Variants in MAP3K1 observed in about 807,000 individuals in gnomAD.
MAP3K1 encodes the protein MAP/ERK kinase kinase 1.
Under a neutral mutation model 144.2 loss-of-function variants are expected in MAP3K1, and 36 were observed. The ratio of observed to expected loss-of-function variants is 0.25; its 90% CI spans 0.19 to 0.33. The LOEUF (loss-of-function observed/expected upper bound fraction) is 0.33. Among genes scored for constraint, MAP3K1 ranks in the 10% least tolerant of loss-of-function variants. The pLI, the probability that MAP3K1 is intolerant of heterozygous loss-of-function variation, is 1.00. For synonymous variants in MAP3K1, 718 were observed against 688.7 expected (o/e 1.04, Z -0.67); for missense variants, 1,650 against 1,881.9 (o/e 0.88, Z 2.28).
At chr5:56,875,403 T>G in intron 10 of MAP3K1, 93 bp downstream of exon 10, 1 of 1,395,772 alleles carries the variant, frequency 7.2e-7, no homozygotes, top group Non-Finnish European at 9.9e-7. Flanking sequence ...AAAGCTACTT[T>G]ACCTAATTTT....
chr5:56,842,560 T>C (rs1415387322), intron 1 of MAP3K1, among the ~76,000 whole-genome samples: 1 of 152,194 alleles, frequency 6.6e-6, no homozygotes, highest in African/African-American at 2.4e-5. Flanking sequence ...TTCAGTTTAT[T>C]GTGGGCTACC....
intron 3 of MAP3K1, among the ~76,000 whole-genome samples, chr5:56,860,670 TG>T (rs771643259): frequency 3.3e-4 from 50 of 152,114 alleles, no homozygotes; most frequent in Non-Finnish European, 3.8e-4. Flanking sequence ...TTGGCCAACA[TG>T]GTGAAACCTC....
chr5:56,887,350 C>T (rs779347093), intron 17 of MAP3K1, 28 bp from the exon 18 acceptor site: 4 of 1,613,174 alleles, frequency 2.5e-6, no homozygotes, highest in South Asian at 1.1e-5. Flanking sequence ...TTTTAACATA[C>T]AAGGTCATTT....
In MAP3K1 at chr5:56,882,196, C is replaced by A. The variant is rs2111944597; in HGVS notation, c.2996C>A (p.Thr999Lys). ...STPSVPAGTA[T>K]DVSKHRLQGF... ...CCATCTGTACCAGCTGGCACTGCAA[C>A]AGATGTCTCTAAGCATAGACTTCAG... The change falls in exon 14 of 20, where the codon ACA (threonine) becomes AAA (lysine). Residue 999 changes from threonine (T) to lysine (K), a missense_variant. Coordinates refer to ENST00000399503, the MANE Select transcript of MAP3K1 (RefSeq NM_005921.2). 1 of 1,614,148 alleles carries A rather than the reference C, an allele frequency of 6.2e-7. No individual in the cohort carries two copies. The highest frequency in any genetic ancestry group is 8.5e-7 in the Non-Finnish European group (1 of 1,180,018).
At chr5:56,873,338 T>C (rs1747917920) in intron 9 of MAP3K1, among the ~76,000 whole-genome samples, 1 of 152,212 alleles carries the variant, frequency 6.6e-6, no homozygotes, top group Admixed American at 6.5e-5. Flanking sequence ...TCCCCGTGCC[T>C]GCCAAGAATT....
In MAP3K1 at chr5:56,895,361, ATTTTGTTTTTTT is replaced by A. The variant is rs770987019; in HGVS notation, c.*1686_*1697del. ...TGTGTTGTACTTGACTTTCTTTTTTATTTTGTTTTTTTTTTTTTTTGACTACTTAGAATTTTC... is the reference window on the plus strand; with the variant it reads ...TGTGTTGTACTTGACTTTCTTTTTTATTTTTTTTGACTACTTAGAATTTTC... On this transcript the variant is annotated 3_prime_UTR_variant, in exon 20 of 20. Transcript: ENST00000399503. 2.0e-4 allele frequency: 32 copies of A among 156,922 alleles called. No homozygotes were observed. The highest frequency in any genetic ancestry group is 1.8e-4 in the Admixed American group (2 of 10,930). 9.7% of individuals were successfully genotyped at this position (156,922 alleles called of 1,614,324 possible). A position where few individuals can be genotyped will look rare whatever the true frequency, so the allele number is the denominator to read the frequency against.
At chr5:56,892,797 G>A (rs1748586021) in intron 19 of MAP3K1, among the ~76,000 whole-genome samples, 1 of 152,032 alleles carries the variant, frequency 6.6e-6, no homozygotes, top group Non-Finnish European at 1.5e-5. Flanking sequence ...TTCATAATGG[G>A]TGCTCAAAAA....
chr5:56,882,154 C>A lies in MAP3K1; in HGVS notation c.2954C>A (p.Thr985Asn). 1 of 1,609,744 alleles carries A rather than the reference C, an allele frequency of 6.2e-7. No individual in the cohort carries two copies. The change falls in exon 14 of 20, where the codon ACC becomes AAC. Residue 985 changes from threonine to asparagine, a missense_variant. Physicochemically the swap from Thr to Asn is moderately conservative, Grantham distance 65. Coordinates refer to ENST00000399503, the MANE Select transcript of MAP3K1 (RefSeq NM_005921.2). ...CAATTAATGTTTCCAGCCTTGTCAACCCCTTCTTCTTCTACCCCATCTGTA... is the reference window on the plus strand; with the variant it reads ...CAATTAATGTTTCCAGCCTTGTCAAACCCTTCTTCTTCTACCCCATCTGTA... Reference protein sequence around the residue: ...HSQLMFPALSTPSSSTPSVPA... With the variant: ...HSQLMFPALSNPSSSTPSVPA...
chr5:56,884,540 A>G, intron 15 of MAP3K1, 124 bp from the exon 16 acceptor site: 1 of 850,112 alleles, frequency 1.2e-6, no homozygotes, highest in East Asian at 2.7e-5. Context: ...TGTTTAAAGT[A>G]CATTGCATCC....
intron 1 of MAP3K1, among the ~76,000 whole-genome samples, chr5:56,836,003 A>T (rs1401354486): frequency 6.6e-6 from 1 of 152,216 alleles, no homozygotes; most frequent in African/African-American, 2.4e-5. Flanking sequence ...AATTGGCTGT[A>T]TGCAGATACT....
chr5:56,850,855 G>A (rs903010983), intron 1 of MAP3K1, among the ~76,000 whole-genome samples: 1 of 152,190 alleles, frequency 6.6e-6, no homozygotes, highest in African/African-American at 2.4e-5. Context: ...TCTCCATATC[G>A]CTGGTTGTTG....
chr5:56,873,983 T>TA (rs780593396), intron 9 of MAP3K1, among the ~76,000 whole-genome samples: 18 of 152,260 alleles, frequency 1.2e-4, no homozygotes, highest in African/African-American at 3.8e-4. Context: ...TCTGAGCTGT[T>TA]AGAGTTCATT....
At chr5:56,885,428 T>G (rs1748351213) in intron 16 of MAP3K1, among the ~76,000 whole-genome samples, 2 of 152,148 alleles carry the variant, frequency 1.3e-5, no homozygotes, top group Admixed American at 1.3e-4. Context: ...TTAATAAAGA[T>G]TTACACTACA....
intron 1 of MAP3K1, among the ~76,000 whole-genome samples, chr5:56,848,261 C>G (rs1453155635): frequency 6.6e-6 from 1 of 152,116 alleles, no homozygotes; most frequent in Non-Finnish European, 1.5e-5. Context: ...AATATTCTTC[C>G]TTTTCTCATT....
intron 1 of MAP3K1, among the ~76,000 whole-genome samples, chr5:56,819,459 C>A (rs991855649): frequency 6.6e-6 from 1 of 151,976 alleles, no homozygotes; most frequent in East Asian, 1.9e-4. Flanking sequence ...CCAGCTACAG[C>A]TTGCCTAGGC....
intron 10 of MAP3K1, 53 bp from the exon 11 acceptor site, chr5:56,878,927 T>C: frequency 6.3e-7 from 1 of 1,576,926 alleles, no homozygotes; most frequent in South Asian, 1.1e-5. Flanking sequence ...TAGGCCATTA[T>C]CTCTGATGCT....
chr5:56,872,128 G>C, intron 7 of MAP3K1, 97 bp downstream of exon 7: 1 of 1,506,650 alleles, frequency 6.6e-7, no homozygotes, highest in Non-Finnish European at 9.2e-7. Flanking sequence ...GGGGAAATTG[G>C]TGAGAGAATA....
intron 2 of MAP3K1, among the ~76,000 whole-genome samples, chr5:56,858,488 C>G (rs1747406316): frequency 1.3e-5 from 2 of 152,138 alleles, no homozygotes; most frequent in South Asian, 2.1e-4. Flanking sequence ...TTATGCCACC[C>G]TACATTTTAT....
chr5:56,881,043 A>G (rs755746710), intron 12 of MAP3K1, 40 bp from the exon 13 acceptor site: 1 of 1,485,572 alleles, frequency 6.7e-7, no homozygotes, highest in South Asian at 1.2e-5. Flanking sequence ...TTTTAATATC[A>G]CTATTTTTTA....
Sources: gnomAD v4.1 joint callset for allele counts (sites outside exome capture counted in the v4.1 genomes callset) on GRCh38, gnomAD v4.1.1 for gene constraint, MANE v1.5 for transcripts, NCBI Gene and HGNC (gene_info 2026-07-23, HGNC 2026-07-21) for gene names.